ZFAND3: variants seen among roughly 807,000 people sequenced by gnomAD.
The protein encoded by ZFAND3 is zinc finger AN1-type containing 3.
Under a neutral mutation model 29.6 loss-of-function variants are expected in ZFAND3, and 10 were observed. The ratio of observed to expected loss-of-function variants is 0.34; its 90% CI spans 0.21 to 0.57. The LOEUF (loss-of-function observed/expected upper bound fraction) is 0.57. Ranked by LOEUF, ZFAND3 falls within the 20% of genes least tolerant of loss-of-function variation. The pLI, the probability that ZFAND3 is intolerant of heterozygous loss-of-function variation, is 0.86. For synonymous variants in ZFAND3, 128 were observed against 112.6 expected, an observed-to-expected ratio of 1.14 and a Z score of -0.87; for missense variants, 230 against 304.5, an observed-to-expected ratio of 0.76 and a Z score of 1.82.
intron 1 of ZFAND3, among the ~76,000 whole-genome samples, chr6:37,924,378 A>T (rs568297043): frequency 6.7e-6 from 1 of 148,948 alleles, no homozygotes; most frequent in African/African-American, 2.5e-5. Context: ...TTTAACAAGC[A>T]TTTATTGGGT....
chr6:37,857,728 G>A (rs1055352484), intron 1 of ZFAND3, among the ~76,000 whole-genome samples: 1 of 152,148 alleles, frequency 6.6e-6, no homozygotes, highest in Non-Finnish European at 1.5e-5. Context: ...AGCCTAATAT[G>A]GTCTAATCTC....
At chr6:37,956,014 G>A (rs1005693109) in intron 2 of ZFAND3, among the ~76,000 whole-genome samples, 5 of 152,126 alleles carry the variant, frequency 3.3e-5, no homozygotes, top group Non-Finnish European at 5.9e-5. Flanking sequence ...GATGAACTGG[G>A]TTTTGGACGC....
chr6:38,150,760 G>A (rs1175401301), intron 5 of ZFAND3, among the ~76,000 whole-genome samples: 1 of 147,616 alleles, frequency 6.8e-6, no homozygotes, highest in African/African-American at 2.5e-5. Flanking sequence ...GCCTGGATGA[G>A]GGCTTAAAAG....
chr6:38,045,500 C>G (rs767690100), intron 2 of ZFAND3, among the ~76,000 whole-genome samples: 1 of 152,114 alleles, frequency 6.6e-6, no homozygotes, highest in Non-Finnish European at 1.5e-5. Context: ...TATAGGAATT[C>G]TAATGCAGTT....
At chr6:38,144,208 TATAATATATAATATATATATA>T (rs1562016045) in intron 5 of ZFAND3, among the ~76,000 whole-genome samples, 11 of 43,474 alleles carry the variant, frequency 2.5e-4, no homozygotes, top group African/African-American at 1.4e-3. Context: ...TATATATATA[TATAATATATAATATATATATA>T]TATTTTTTTT....
chr6:38,143,367 G>C (rs369094491), intron 5 of ZFAND3, among the ~76,000 whole-genome samples: 4 of 152,240 alleles, frequency 2.6e-5, no homozygotes, highest in Non-Finnish European at 5.9e-5. Flanking sequence ...CACTGCTGAC[G>C]GCTCTCTGAG....
At chr6:37,843,009 C>T (rs74648297) in intron 1 of ZFAND3, among the ~76,000 whole-genome samples, 4,502 of 151,750 alleles carry the variant, frequency 0.03, 172 homozygotes, top group African/African-American at 0.086. Context: ...GTAATCCCAG[C>T]TGCTCAGGAG....
intron 1 of ZFAND3, among the ~76,000 whole-genome samples, chr6:37,863,407 C>T (rs750004283): frequency 1.6e-4 from 24 of 152,254 alleles, no homozygotes; most frequent in East Asian, 3.9e-4. Context: ...GACCAAAAAC[C>T]GCAATTACTT....
At chr6:37,916,800 G>A (rs1761262292) in intron 1 of ZFAND3, among the ~76,000 whole-genome samples, 1 of 152,238 alleles carries the variant, frequency 6.6e-6, no homozygotes, top group Non-Finnish European at 1.5e-5. Context: ...ATAAACATAA[G>A]TTTTAAGTTG....
At chr6:38,126,830 A>G (rs1010430194) in intron 5 of ZFAND3, among the ~76,000 whole-genome samples, 2 of 151,958 alleles carry the variant, frequency 1.3e-5, no homozygotes, top group Non-Finnish European at 2.9e-5. Flanking sequence ...GCCACATTTT[A>G]TATTTTCAAT....
intron 2 of ZFAND3, among the ~76,000 whole-genome samples, chr6:38,060,152 G>A (rs1438376618): frequency 1.3e-5 from 2 of 152,094 alleles, no homozygotes; most frequent in African/African-American, 4.8e-5. Context: ...TTTAATATAC[G>A]CTGGTTCAGT....
chr6:37,966,781 C>G (rs1366929355), intron 2 of ZFAND3, among the ~76,000 whole-genome samples: 1 of 152,184 alleles, frequency 6.6e-6, no homozygotes, highest in East Asian at 1.9e-4. Flanking sequence ...ATCTAATCCT[C>G]AGGTTTAATA....
chr6:37,853,964 T>C lies in ZFAND3; in HGVS notation c.71+33948T>C, dbSNP rs547246246. Among the ~76,000 whole-genome samples the C allele has an allele frequency of 3.9e-5, 6 of 152,272 alleles. No individual in the cohort carries two copies. In the East Asian group the frequency reaches 9.6e-4, roughly 24 times the overall value. On this transcript the variant is annotated intron_variant, in intron 1 of 5. Transcript: ENST00000287218. ...GCCTTTTTAAAAAATTTTTTTTTTA[T>C]TTTTTAGATGGAGTTTCACTCTTGT...
chr6:37,891,416 T>TCCCCCCCCCCCCCCC (rs113061455), intron 1 of ZFAND3, among the ~76,000 whole-genome samples: 6 of 117,192 alleles, frequency 5.1e-5, no homozygotes, highest in East Asian at 2.7e-4. Flanking sequence ...GAGATTTCAG[T>TCCCCCCCCCCCCCCC]CCCCCCCCCC....
At chr6:37,918,307 C>G (rs1761302292) in intron 1 of ZFAND3, among the ~76,000 whole-genome samples, 1 of 152,098 alleles carries the variant, frequency 6.6e-6, no homozygotes, top group Non-Finnish European at 1.5e-5. Flanking sequence ...GATCTCCTGA[C>G]CTTGTGATCC....
chr6:37,865,172 C>T (rs1007948460), intron 1 of ZFAND3, among the ~76,000 whole-genome samples: 10 of 151,920 alleles, frequency 6.6e-5, no homozygotes, highest in East Asian at 1.9e-4. Flanking sequence ...GGTGACACTT[C>T]GTCTCAAAAA....
At chr6:37,865,312 T>C (rs1764570059) in intron 1 of ZFAND3, among the ~76,000 whole-genome samples, 1 of 152,224 alleles carries the variant, frequency 6.6e-6, no homozygotes, top group Admixed American at 6.5e-5. Flanking sequence ...TTGTATTGTT[T>C]TGTTTAGGGA....
chr6:37,829,678 T>C (rs1475105846), intron 1 of ZFAND3, among the ~76,000 whole-genome samples: 3 of 152,246 alleles, frequency 2.0e-5, no homozygotes, highest in Non-Finnish European at 4.4e-5. Flanking sequence ...CTGAGTTCCC[T>C]GTTTCTGTGG....
chr6:37,833,955 A>G (rs950797599), intron 1 of ZFAND3, among the ~76,000 whole-genome samples: 5 of 152,008 alleles, frequency 3.3e-5, no homozygotes, highest in Admixed American at 6.6e-5. Context: ...CTCCCCTACT[A>G]TCGACATCTC....
Sources: allele counts gnomAD v4.1 joint callset (sites outside exome capture counted in the v4.1 genomes callset), GRCh38; gene constraint gnomAD v4.1.1; transcripts MANE v1.5; gene names NCBI Gene and HGNC (gene_info 2026-07-23, HGNC 2026-07-21).